The following PRF1 variants were observed in gnomAD, a reference collection of about 807,000 sequenced individuals.
The protein encoded by PRF1 is perforin 1.
PRF1 carries 11 observed loss-of-function variants against 11.7 expected under a neutral mutation model. The ratio of observed to expected loss-of-function variants is 0.94; its 90% CI spans 0.59 to 1.56. The LOEUF is 1.56. Ranked by LOEUF, PRF1 falls within the 40% of genes most tolerant of loss-of-function variation. The probability of loss-of-function intolerance (pLI) is 0.00; values close to 1 mark genes in which losing one functional copy is unlikely to be tolerated. For synonymous variants in PRF1, 314 were observed against 327.8 expected (o/e 0.96, Z 0.45); for missense variants, 729 against 751.0 (o/e 0.97, Z 0.34).
rs761607073 is a variant in PRF1, at chr10:70,598,557, G to A, written c.1164C>T (p.Ser388=). 1.5e-5 allele frequency: 24 copies of A among 1,612,754 alleles called. No individual in the cohort carries two copies. The East Asian group carries it at 4.7e-4, about 31-fold the overall frequency. The change falls in exon 3 of 3, where the codon AGC becomes AGT. Residue 388 remains serine, a synonymous_variant. Coordinates refer to ENST00000441259, the MANE Select transcript of PRF1 (RefSeq NM_001083116.3). ...SRPCPPGRQK[S]PRDPCQCVCH... is the part of the protein sequence containing the mutation. ...ACACACACTGGCATGGGTCTCGGGG[G>A]CTCTTCTGCCGCCCTGGTGGGCACG...
At position 70,599,025 on chromosome 10, in the gene PRF1, G is replaced by T. The variant is rs1848180848; in HGVS notation, c.696C>A (p.Arg232=). The T allele has an allele frequency of 6.2e-7, 1 of 1,613,680 alleles. No homozygotes were observed. The highest frequency in any genetic ancestry group is 8.5e-7 in the Non-Finnish European group (1 of 1,179,630). The change falls in exon 3 of 3, where the codon CGC becomes CGA. Residue 232 remains arginine (R), a synonymous_variant. Coordinates refer to ENST00000441259, the MANE Select transcript of PRF1 (RefSeq NM_001083116.3). The part of the protein sequence containing the change: ...HFIRAVELGG[R]ISALTALRTC... ...TGCGCAGGGCAGTGAGGGCCGATATGCGGCCACCCAGCTCCACAGCCCGGA... is the reference window on the plus strand; with the variant it reads ...TGCGCAGGGCAGTGAGGGCCGATATTCGGCCACCCAGCTCCACAGCCCGGA...
Position 70,597,631 on chromosome 10 carries a change from G to A in PRF1, c.*422C>T, listed in dbSNP as rs1247458942. ...TGTGATCTGTGTAGCTGTGACTGCA[G>A]GGCTTGAGAATGGCGGAGGGCTTAG... On this transcript the variant is annotated 3_prime_UTR_variant, in exon 3 of 3. Transcript: ENST00000441259. 1.8e-6 allele frequency: 1 copy of A among 568,950 alleles called. No individual in the cohort carries two copies. The highest frequency in any genetic ancestry group is 3.1e-6 in the Non-Finnish European group (1 of 325,118). 35.2% of individuals were successfully genotyped at this position (568,950 alleles called of 1,614,324 possible). A position where few individuals can be genotyped will look rare whatever the true frequency, so the allele number is the denominator to read the frequency against.
In PRF1 at chr10:70,598,512, G is replaced by A; in HGVS notation, c.1209C>T (p.Thr403=). 1 of 1,613,428 alleles carries A rather than the reference G, an allele frequency of 6.2e-7. No homozygotes were observed. The highest frequency in any genetic ancestry group is 2.2e-5 in the East Asian group (1 of 44,854). Residue 403 remains threonine (T), a synonymous_variant, in exon 3 of 3, where the codon ACC becomes ACT. Transcript: ENST00000441259. ...TCTGCCGAGGGCAGCAGTCCTGGGT[G>A]GTGACCGCTGAGCCATGGCACACAC... The part of the protein sequence containing the change: ...CQCVCHGSAV[T]TQDCCPRQRG...
Position 70,600,814 on chromosome 10 carries a change from T to G in PRF1, c.89A>C (p.Glu30Ala), listed in dbSNP as rs779192397. The G allele has an allele frequency of 2.1e-5, 34 of 1,612,518 alleles. No homozygotes were observed. Among genetic ancestry groups the G allele is most frequent in the Admixed American group, 5.0e-5 (3 of 59,908 alleles). Residue 30 changes from glutamate to alanine, a missense_variant, in exon 2 of 3, where the codon GAG becomes GCG. Glu to Ala is a moderately radical substitution (Grantham distance 107). Coordinates refer to ENST00000441259, the MANE Select transcript of PRF1 (RefSeq NM_001083116.3). The surrounding 1 kb of genome is among the most constrained non-coding windows in gnomAD (Gnocchi z 4.9). ...PAPCHTAARS[E>A]CKRSHKFVPG... ...CACGAACTTGTGGCTGCGCTTGCAC[T>G]CTGAGCGTGCGGCTGTGTGGCACGG... is the stretch of plus-strand genomic sequence containing the variant.
Position 70,597,776 on chromosome 10 carries a change from C to T in PRF1, c.*277G>A. On this transcript the variant is annotated 3_prime_UTR_variant, in exon 3 of 3. Coordinates refer to ENST00000441259, the MANE Select transcript of PRF1 (RefSeq NM_001083116.3). ...ATCCAATCTTTTGGCTTCTCTGGGC[C>T]ACGTTGGAAGAAGAATTGTGTTGGG... is the stretch of plus-strand genomic sequence containing the variant. 2 of 601,260 alleles carry T rather than the reference C, an allele frequency of 3.3e-6. No individual in the cohort carries two copies. The highest frequency in any genetic ancestry group is 5.9e-6 in the Non-Finnish European group (2 of 339,720). 37.2% of individuals were successfully genotyped at this position (601,260 alleles called of 1,614,324 possible). A position where few individuals can be genotyped will look rare whatever the true frequency, so the allele number is the denominator to read the frequency against.
Position 70,598,783 on chromosome 10 carries a change from T to A in PRF1, c.938A>T (p.Asp313Val), listed in dbSNP as rs755737064. Residue 313 changes from aspartate to valine, a missense_variant, in exon 3 of 3, where the codon GAC becomes GTC. By Grantham distance (152) the Asp-to-Val change is radical (BLOSUM62 -3). Coordinates refer to ENST00000441259, the MANE Select transcript of PRF1 (RefSeq NM_001083116.3). ...VVGGHHTSINDLLFGIQAGPE... is the reference protein window; with the variant it reads ...VVGGHHTSINVLLFGIQAGPE... ...CCCGGCCTGGATCCCGAACAGCAGG[T>A]CGTTAATGGAGGTGTGATGGCCGCC... The A allele has an allele frequency of 6.8e-6, 11 of 1,613,922 alleles. No homozygotes were observed. Among genetic ancestry groups the A allele is most frequent in the Non-Finnish European group, 9.3e-6 (11 of 1,180,006 alleles).
chr10:70,599,197 G>T lies in PRF1; in HGVS notation c.540-16C>A. 1.2e-6 allele frequency: 2 copies of T among 1,614,044 alleles called. No individual in the cohort carries two copies. Among genetic ancestry groups the T allele is most frequent in the Non-Finnish European group, 1.7e-6 (2 of 1,179,992 alleles). Reference sequence around the variant, plus strand: ...CACATGGAAACTGCGAGAAGAGAGAGACCTCAGCTGGGCCCAGGGGAGTAT... The same window carrying T: ...CACATGGAAACTGCGAGAAGAGAGATACCTCAGCTGGGCCCAGGGGAGTAT... On this transcript the variant is annotated splice_polypyrimidine_tract_variant and intron_variant, in intron 2 of 2. Coordinates refer to ENST00000441259, the MANE Select transcript of PRF1 (RefSeq NM_001083116.3).
Position 70,599,170 on chromosome 10 carries a change from A to G in PRF1, c.551T>C (p.Val184Ala). The change falls in exon 3 of 3, where the codon GTA (valine) becomes GCA (alanine). Residue 184 changes from valine to alanine, a missense_variant. Val to Ala is a moderately conservative substitution (Grantham distance 64). Coordinates refer to ENST00000441259, the MANE Select transcript of PRF1 (RefSeq NM_001083116.3). ...GTCAGGGTGCAGCGGGGGAGTGTGT[A>G]CCACATGGAAACTGCGAGAAGAGAG... is the stretch of plus-strand genomic sequence containing the variant. ...VECRFYSFHV[V>A]HTPPLHPDFK... 1 of 1,614,150 alleles carries G rather than the reference A, an allele frequency of 6.2e-7. No homozygotes were observed. The highest frequency in any genetic ancestry group is 8.5e-7 in the Non-Finnish European group (1 of 1,180,026).
chr10:70,597,978 A>T lies in PRF1; in HGVS notation c.*75T>A. 4.4e-6 allele frequency: 7 copies of T among 1,576,674 alleles called. No homozygotes were observed. The South Asian group carries it at 6.7e-5, about 15-fold the overall frequency. Reference sequence around the variant, plus strand: ...TGGACAAGCTTGGTCTAATGGGAATACGAAGACAGCCCTGGCTCCCACTGT... The same window carrying T: ...TGGACAAGCTTGGTCTAATGGGAATTCGAAGACAGCCCTGGCTCCCACTGT... On this transcript the variant is annotated 3_prime_UTR_variant, in exon 3 of 3. Transcript: ENST00000441259.
chr10:70,597,975 A>T lies in PRF1; in HGVS notation c.*78T>A. Reference sequence around the variant, plus strand: ...GGTTGGACAAGCTTGGTCTAATGGGAATACGAAGACAGCCCTGGCTCCCAC... The same window carrying T: ...GGTTGGACAAGCTTGGTCTAATGGGTATACGAAGACAGCCCTGGCTCCCAC... On this transcript the variant is annotated 3_prime_UTR_variant, in exon 3 of 3. Coordinates refer to ENST00000441259, the MANE Select transcript of PRF1 (RefSeq NM_001083116.3). The T allele has an allele frequency of 6.4e-7, 1 of 1,568,824 alleles. No homozygotes were observed. Among genetic ancestry groups the T allele is most frequent in the Non-Finnish European group, 8.7e-7 (1 of 1,155,628 alleles).
At position 70,597,938 on chromosome 10, in the gene PRF1, A is replaced by G. The variant is rs1470905003; in HGVS notation, c.*115T>C. 5.1e-6 allele frequency: 7 copies of G among 1,380,576 alleles called. No homozygotes were observed. The highest frequency in any genetic ancestry group is 2.4e-5 in the East Asian group (1 of 41,450). The allele number at this position is 1,380,576 out of a possible 1,614,324, so 85.5% of individuals were successfully genotyped here. Reference sequence around the variant, plus strand: ...CGCATTCAAAGCCATCCTGGGCCGCATGCGGGCCTCGGGTTGGACAAGCTT... The same window carrying G: ...CGCATTCAAAGCCATCCTGGGCCGCGTGCGGGCCTCGGGTTGGACAAGCTT... On this transcript the variant is annotated 3_prime_UTR_variant, in exon 3 of 3. Coordinates refer to ENST00000441259, the MANE Select transcript of PRF1 (RefSeq NM_001083116.3).
In PRF1 at chr10:70,601,975, AG is replaced by A. The variant is rs371939915; in HGVS notation, c.-31+669del. On this transcript the variant is annotated intron_variant, in intron 1 of 2. Transcript: ENST00000441259. Reference sequence around the variant, plus strand: ...AAGCTCTGTGGCCTTCGGCAGTGACAGGGGCCCCCCTATTGCCTACTATGGA... The same window carrying A: ...AAGCTCTGTGGCCTTCGGCAGTGACAGGGCCCCCCTATTGCCTACTATGGA... Among the ~76,000 whole-genome samples, 452 of 152,140 alleles carry A rather than the reference AG, an allele frequency of 3.0e-3. 2 individuals are homozygous for A. Among genetic ancestry groups the A allele is most frequent in the African/African-American group, 0.01 (425 of 41,526 alleles).
chr10:70,599,084 G>A lies in PRF1; in HGVS notation c.637C>T (p.Leu213Phe). The A allele has an allele frequency of 6.2e-7, 1 of 1,614,046 alleles. No homozygotes were observed. The highest frequency in any genetic ancestry group is 8.5e-7 in the Non-Finnish European group (1 of 1,179,956). The change falls in exon 3 of 3, where the codon CTC becomes TTC. Residue 213 changes from leucine to phenylalanine, a missense_variant. By Grantham distance (22) the Leu-to-Phe change is conservative. Transcript: ENST00000441259. ...HFNASTQPAY[L>F]RLISNYGTHF... The stretch of plus-strand genomic sequence containing the variant: ...GTGCCGTAGTTGGAGATAAGCCTGA[G>A]GTAGGCGGGCTGGGTGGAGGCGTTG...
chr10:70,602,092 C>A lies in PRF1; in HGVS notation c.-31+553G>T, dbSNP rs573736059. On this transcript the variant is annotated intron_variant, in intron 1 of 2. Transcript: ENST00000441259. ...ATGATCTGGAACCTCCTTTCTCTAA[C>A]CTTACCCAAGCCTAACCTTATCCAA... Among the ~76,000 whole-genome samples, 7 of 152,294 alleles carry A rather than the reference C, an allele frequency of 4.6e-5. No individual in the cohort carries two copies. The South Asian group carries it at 6.2e-4, about 14-fold the overall frequency.
rs12263572 is a variant in PRF1, at chr10:70,600,500, C to T, written c.403G>A (p.Val135Met). Residue 135 changes from valine (V) to methionine (M), a missense_variant, in exon 2 of 3, where the codon GTG becomes ATG. Physicochemically the swap from Val to Met is conservative, Grantham distance 21 (BLOSUM62 1). Coordinates refer to ENST00000441259, the MANE Select transcript of PRF1 (RefSeq NM_001083116.3). The surrounding 1 kb of genome is among the most constrained non-coding windows in gnomAD (Gnocchi z 4.9). The part of the protein sequence containing the change: ...IRNDWKVGLD[V>M]TPKPTSNVHV... The stretch of plus-strand genomic sequence containing the variant: ...ACATTGCTGGTGGGCTTAGGAGTCA[C>T]GTCCAGCCCGACCTTCCAGTCGTTG... 5.3e-4 allele frequency: 848 copies of T among 1,614,186 alleles called. 4 individuals carry two copies. The African/African-American group carries it at 9.2e-3, about 18-fold the overall frequency.
Position 70,598,860 on chromosome 10 carries a change from C to T in PRF1, c.861G>A (p.Lys287=). Residue 287 remains lysine, a synonymous_variant, in exon 3 of 3, where the codon AAG becomes AAA. Coordinates refer to ENST00000441259, the MANE Select transcript of PRF1 (RefSeq NM_001083116.3). ...AGGTTTGGTGGAAGGAGGCCGTCAT[C>T]TTGTGCTTCTTCTTCTTCTCCTCAC... The part of the protein sequence containing the change: ...KACEEKKKKH[K]MTASFHQTYR... 6.2e-7 allele frequency: 1 copy of T among 1,614,260 alleles called. No individual in the cohort carries two copies. Among genetic ancestry groups the T allele is most frequent in the East Asian group, 2.2e-5 (1 of 44,888 alleles).
chr10:70,600,228 G>T lies in PRF1; in HGVS notation c.539+136C>A, dbSNP rs930665574. On this transcript the variant is annotated intron_variant, in intron 2 of 2. Transcript: ENST00000441259. The surrounding 1 kb of genome is among the most constrained non-coding windows in gnomAD (Gnocchi z 4.9). ...CAGGGCTGAATCACCTGAAGTCTGA[G>T]AGCCAGGATTGCAGTTTCTTCCTGG... 1.8e-5 allele frequency: 26 copies of T among 1,475,816 alleles called. No individual in the cohort carries two copies. The African/African-American group carries it at 3.5e-4, about 20-fold the overall frequency. 91.4% of individuals were successfully genotyped at this position (1,475,816 alleles called of 1,614,324 possible). A position where few individuals can be genotyped will look rare whatever the true frequency, so the allele number is the denominator to read the frequency against.
At chr10:70,599,757 A>C (rs1421085259) in intron 2 of PRF1, among the ~76,000 whole-genome samples, 1 of 152,144 alleles carries the variant, frequency 6.6e-6, no homozygotes, top group Non-Finnish European at 1.5e-5. Context: ...TCTGTGGAGG[A>C]AACGTGGCCC....
Position 70,600,663 on chromosome 10 carries a change from T to A in PRF1, c.240A>T (p.Leu80=), listed in dbSNP as rs140752768. The part of the protein sequence containing the change: ...DGTCTLCENA[L]QEGTLQRLPL... The stretch of plus-strand genomic sequence containing the variant: ...GCAGGCGCTGGAGGGTGCCCTCCTG[T>A]AGGGCATTTTCACAGAGGGTGCAGG... The change falls in exon 2 of 3, where the codon CTA becomes CTT. Residue 80 remains leucine (L), a synonymous_variant. Transcript: ENST00000441259. The surrounding 1 kb of genome is among the most constrained non-coding windows in gnomAD (Gnocchi z 4.9). 206 of 1,613,730 alleles carry A rather than the reference T, an allele frequency of 1.3e-4. No individual in the cohort carries two copies. In the African/African-American group the frequency reaches 2.5e-3, roughly 20 times the overall value.
Sources: allele counts gnomAD v4.1 joint callset (sites outside exome capture counted in the v4.1 genomes callset), GRCh38; gene constraint gnomAD v4.1.1; non-coding constraint Gnocchi (gnomAD v3.1); transcripts MANE v1.5; gene names NCBI Gene and HGNC (gene_info 2026-07-23, HGNC 2026-07-21).